Variants in BMAL2 observed in about 807,000 individuals in gnomAD.
The protein encoded by BMAL2 is basic helix-loop-helix ARNT-like protein 2.
the BMAL2 span, chr12:27,394,347 A>G: frequency 1.3e-5 from 2 of 152,192 alleles, no homozygotes; most frequent in Admixed American, 6.5e-5. Context: ...AGGTACCCAC[A>G]TGAGTAATCC....
chr12:27,357,753 A>G, the BMAL2 span, among the ~76,000 whole-genome samples: 560 of 152,310 alleles, frequency 3.7e-3, 1 homozygote, highest in African/African-American at 0.013. Flanking sequence ...ACAAAAACAT[A>G]AAGTGGGGAA....
At chr12:27,392,003 T>C in the BMAL2 span, among the ~76,000 whole-genome samples, 1 of 152,194 alleles carries the variant, frequency 6.6e-6, no homozygotes, top group Non-Finnish European at 1.5e-5. Flanking sequence ...ACTTGCTAGC[T>C]GTGTGATCGT....
chr12:27,345,204 C>T, the BMAL2 span, among the ~76,000 whole-genome samples: 1 of 152,214 alleles, frequency 6.6e-6, no homozygotes, highest in African/African-American at 2.4e-5. Flanking sequence ...CAAACTGCAA[C>T]TGCTTCCCCC....
the BMAL2 span, chr12:27,423,794 T>C: frequency 1.3e-5 from 2 of 152,254 alleles, no homozygotes; most frequent in African/African-American, 4.8e-5. Flanking sequence ...AAAGGAGGTT[T>C]GATCTCTATG....
At chr12:27,343,386 T>G in the BMAL2 span, among the ~76,000 whole-genome samples, 2 of 152,218 alleles carry the variant, frequency 1.3e-5, no homozygotes, top group Non-Finnish European at 2.9e-5. Context: ...AAACGGAAGG[T>G]GTCTCATCTT....
chr12:27,406,237 A>G, the BMAL2 span, among the ~76,000 whole-genome samples: 2 of 152,194 alleles, frequency 1.3e-5, no homozygotes. Flanking sequence ...CAGGAAATAC[A>G]GAGAACGCCA....
At chr12:27,380,224 A>G in the BMAL2 span, 1 of 1,612,082 alleles carries the variant, frequency 6.2e-7, no homozygotes, top group East Asian at 2.2e-5. Flanking sequence ...TTAAATATAA[A>G]GGAAGTTCCT....
chr12:27,411,697 T>G, the BMAL2 span, among the ~76,000 whole-genome samples: 46 of 152,282 alleles, frequency 3.0e-4, no homozygotes, highest in African/African-American at 1.1e-3. Context: ...GTTGTTTGTT[T>G]TGTTGCTGTT....
chr12:27,333,019 G>T, the BMAL2 span: 2 of 1,175,850 alleles, frequency 1.7e-6, no homozygotes, highest in East Asian at 7.2e-5. Flanking sequence ...CGGGCCCGGG[G>T]CTCCTCCATG....
chr12:27,354,953 G>C, the BMAL2 span, among the ~76,000 whole-genome samples: 1 of 152,062 alleles, frequency 6.6e-6, no homozygotes, highest in Non-Finnish European at 1.5e-5. Flanking sequence ...TTATAATTCA[G>C]TGATTACTAG....
chr12:27,355,025 C>A, the BMAL2 span, among the ~76,000 whole-genome samples: 9 of 152,160 alleles, frequency 5.9e-5, no homozygotes, highest in Non-Finnish European at 1.0e-4. Flanking sequence ...TTATGGAAGC[C>A]AATCACTGTC....
chr12:27,397,146 C>G, the BMAL2 span, among the ~76,000 whole-genome samples: 2 of 152,208 alleles, frequency 1.3e-5, no homozygotes, highest in East Asian at 3.8e-4. Context: ...TCTCGGCTCA[C>G]TGCAACCTCT....
At chr12:27,360,601 A>G in the BMAL2 span, among the ~76,000 whole-genome samples, 51 of 152,086 alleles carry the variant, frequency 3.4e-4, no homozygotes, top group African/African-American at 1.2e-3. Flanking sequence ...TGTTTTCCTG[A>G]CACCTTAGGC....
chr12:27,376,875 C>T, the BMAL2 span, among the ~76,000 whole-genome samples: 1 of 151,766 alleles, frequency 6.6e-6, no homozygotes, highest in South Asian at 2.1e-4. Flanking sequence ...TGGTGGGCAC[C>T]TGTAGTCCCA....
At chr12:27,350,994 C>CCCCCTCT in the BMAL2 span, among the ~76,000 whole-genome samples, 1 of 94,274 alleles carries the variant, frequency 1.1e-5, no homozygotes. Flanking sequence ...CCCACCCCCC[C>CCCCCTCT]TTTTTTTTTT....
the BMAL2 span, among the ~76,000 whole-genome samples, chr12:27,379,200 G>T: frequency 2.0e-5 from 3 of 152,258 alleles, no homozygotes; most frequent in Non-Finnish European, 4.4e-5. Flanking sequence ...TATAAATCAG[G>T]AGTAGTACAG....
At chr12:27,368,468 A>G in the BMAL2 span, 1 of 1,562,188 alleles carries the variant, frequency 6.4e-7, no homozygotes, top group East Asian at 2.2e-5. Context: ...GGAGAAGAGG[A>G]AAATATTCCT....
the BMAL2 span, among the ~76,000 whole-genome samples, chr12:27,357,845 A>T: frequency 6.6e-6 from 1 of 152,246 alleles, no homozygotes; most frequent in South Asian, 2.1e-4. Context: ...CATCTCTCAC[A>T]TTATACAAAA....
the BMAL2 span, among the ~76,000 whole-genome samples, chr12:27,420,019 G>GCGCGCGCGCGCACACACACA: frequency 2.6e-3 from 384 of 147,562 alleles, 3 homozygotes; most frequent in African/African-American, 8.9e-3. Context: ...GTTTGCGCGT[G>GCGCGCGCGCGCACACACACA]CACACACACA....
Sources: gnomAD v4.1 joint callset for allele counts (sites outside exome capture counted in the v4.1 genomes callset) on GRCh38, gnomAD v4.1.1 for gene constraint, MANE v1.5 for transcripts, NCBI Gene and HGNC (gene_info 2026-07-23, HGNC 2026-07-21) for gene names.